Variants in SMARCC1 observed in about 807,000 individuals in gnomAD.
SMARCC1 encodes SWI/SNF related BAF chromatin remodeling complex subunit C1.
A neutral mutation model predicts 147.4 loss-of-function variants in SMARCC1; 43 were observed. The ratio of observed to expected loss-of-function variants is 0.29; its 90% CI spans 0.23 to 0.38. The LOEUF (loss-of-function observed/expected upper bound fraction) is 0.38, where lower values mean the gene tolerates loss of function less well. SMARCC1 is among the 10% of genes least tolerant of loss of function. SMARCC1 has a pLI of 1.00. For synonymous variants in SMARCC1, 495 were observed against 484.4 expected (o/e 1.02, Z -0.29); for missense variants, 1,119 against 1,381.1 (o/e 0.81, Z 3.01).
intron 2 of SMARCC1, among the ~76,000 whole-genome samples, chr3:47,748,229 T>C (rs974525033): frequency 1.3e-5 from 2 of 152,158 alleles, no homozygotes; most frequent in Non-Finnish European, 2.9e-5. Context: ...TTTTTATCTT[T>C]TTGAAACAGG....
Position 47,670,641 on chromosome 3 carries a change from T to G in SMARCC1, c.1899+17A>C, listed in dbSNP as rs376337018. 7.0e-7 allele frequency: 1 copy of G among 1,420,720 alleles called. No individual in the cohort carries two copies. The highest frequency in any genetic ancestry group is 1.7e-5 in the Admixed American group (1 of 59,748). 88.0% of individuals were successfully genotyped at this position (1,420,720 alleles called of 1,614,324 possible). A position where few individuals can be genotyped will look rare whatever the true frequency, so the allele number is the denominator to read the frequency against. On this transcript the variant is annotated intron_variant, in intron 19 of 27. Transcript: ENST00000254480. Reference sequence around the variant, plus strand: ...AAAGAATCTTAGCACACATCCCATATGCATTAATCTGCTTACCTCCAGGAG... The same window carrying G: ...AAAGAATCTTAGCACACATCCCATAGGCATTAATCTGCTTACCTCCAGGAG...
intron 7 of SMARCC1, among the ~76,000 whole-genome samples, chr3:47,714,798 C>G (rs146725497): frequency 6.6e-6 from 1 of 152,026 alleles, no homozygotes; most frequent in East Asian, 1.9e-4. Context: ...TATCTCGAAA[C>G]AAAACAAAAC....
intron 5 of SMARCC1, among the ~76,000 whole-genome samples, chr3:47,730,957 GC>G (rs2034366627): frequency 1.3e-5 from 2 of 152,058 alleles, no homozygotes; most frequent in South Asian, 4.2e-4. Context: ...GATGCTGGCA[GC>G]TGACTGATCA....
At chr3:47,776,182 T>C (rs973496366) in intron 1 of SMARCC1, among the ~76,000 whole-genome samples, 8 of 152,034 alleles carry the variant, frequency 5.3e-5, no homozygotes, top group African/African-American at 1.7e-4. Flanking sequence ...AAGTGTATCT[T>C]ACAAAACTGA....
chr3:47,692,701 G>C (rs562612372), intron 12 of SMARCC1, among the ~76,000 whole-genome samples: 1 of 152,082 alleles, frequency 6.6e-6, no homozygotes, highest in African/African-American at 2.4e-5. Context: ...CTAATATCCT[G>C]TAGTGGCTAA....
Position 47,610,059 on chromosome 3 carries a change from C to T in SMARCC1, c.3043+7G>A, listed in dbSNP as rs200444445. On this transcript the variant is annotated splice_region_variant and intron_variant, in intron 26 of 27. Coordinates refer to ENST00000254480, the MANE Select transcript of SMARCC1 (RefSeq NM_003074.4). Reference sequence around the variant, plus strand: ...AGCTTTTTCCAAGAGCAGGGCCTTCCTCTTACCTGGCTGGGGTGGATGAGG... The same window carrying T: ...AGCTTTTTCCAAGAGCAGGGCCTTCTTCTTACCTGGCTGGGGTGGATGAGG... The T allele has an allele frequency of 9.9e-6, 16 of 1,611,884 alleles. No homozygotes were observed. In the African/African-American group the frequency reaches 1.6e-4, roughly 16 times the overall value.
intron 5 of SMARCC1, among the ~76,000 whole-genome samples, chr3:47,731,541 A>G (rs1282638597): frequency 6.6e-6 from 1 of 152,234 alleles, no homozygotes; most frequent in Non-Finnish European, 1.5e-5. Context: ...CATAAGAACC[A>G]CTAACTATAG....
In SMARCC1 at chr3:47,781,787, G is replaced by C; in HGVS notation, c.11C>G (p.Ala4Gly). MAA[A>G]AGGGGPGTAV... ...TGTCCCCGGCCCGCCGCCGCCCGCC[G>C]CTGCGGCCATCGTCGCAGCCCGTCG... Residue 4 changes from alanine to glycine, a missense_variant, in exon 1 of 28, where the codon GCG (alanine) becomes GGG (glycine). By Grantham distance (60) the Ala-to-Gly change is moderately conservative (BLOSUM62 0). Transcript: ENST00000254480. The C allele has an allele frequency of 6.9e-7, 1 of 1,459,678 alleles. No homozygotes were observed. The highest frequency in any genetic ancestry group is 9.0e-7 in the Non-Finnish European group (1 of 1,107,424). The allele number at this position is 1,459,678 out of a possible 1,614,324, so 90.4% of individuals were successfully genotyped here. A position where few individuals can be genotyped will look rare whatever the true frequency, so the allele number is the denominator to read the frequency against.
chr3:47,664,995 G>T (rs1055626728), intron 19 of SMARCC1, among the ~76,000 whole-genome samples: 8 of 138,122 alleles, frequency 5.8e-5, no homozygotes, highest in African/African-American at 1.7e-4. Context: ...TTACTTCAAA[G>T]ATTTTTTTTT....
intron 21 of SMARCC1, among the ~76,000 whole-genome samples, chr3:47,653,155 C>T (rs997438196): frequency 2.6e-5 from 4 of 152,094 alleles, no homozygotes; most frequent in African/African-American, 9.7e-5. Flanking sequence ...GACAGGGTTT[C>T]ACCTTGTTAG....
chr3:47,680,799 G>A (rs995632546), intron 14 of SMARCC1, among the ~76,000 whole-genome samples: 10 of 151,768 alleles, frequency 6.6e-5, no homozygotes, highest in Non-Finnish European at 1.2e-4. Flanking sequence ...CGCCCGCCTC[G>A]GCCTCCCAAA....
At chr3:47,710,913 G>T in intron 8 of SMARCC1, 105 bp from the exon 9 acceptor site, 1 of 773,400 alleles carries the variant, frequency 1.3e-6, no homozygotes, top group African/African-American at 1.8e-5. Flanking sequence ...AGCCTCAAAT[G>T]CATAAAACAT....
At chr3:47,677,405 T>G (rs557633362) in intron 16 of SMARCC1, among the ~76,000 whole-genome samples, 7 of 150,422 alleles carry the variant, frequency 4.7e-5, no homozygotes, top group Non-Finnish European at 7.4e-5. Context: ...CTGGCCGTTT[T>G]TTTTTTTTTT....
intron 24 of SMARCC1, among the ~76,000 whole-genome samples, chr3:47,626,442 G>A (rs1302123836): frequency 7.2e-6 from 1 of 139,344 alleles, no homozygotes; most frequent in Non-Finnish European, 1.5e-5. Flanking sequence ...CACCGTGCCT[G>A]GTGAGACCCT....
At chr3:47,670,783 TC>T in intron 18 of SMARCC1, 66 bp from the exon 19 acceptor site, 1 of 965,882 alleles carries the variant, frequency 1.0e-6, no homozygotes, top group Non-Finnish European at 1.7e-6. Flanking sequence ...TCAGTAGAAT[TC>T]CTTTCCAAGC....
At chr3:47,592,372 G>A (rs1362746432) in intron 26 of SMARCC1, among the ~76,000 whole-genome samples, 1 of 152,134 alleles carries the variant, frequency 6.6e-6, no homozygotes, top group African/African-American at 2.4e-5. Context: ...CTTTATTTAT[G>A]AACCCTAAAA....
chr3:47,703,226 G>A (rs1435619182), intron 10 of SMARCC1, among the ~76,000 whole-genome samples: 1 of 152,024 alleles, frequency 6.6e-6, no homozygotes, highest in South Asian at 2.1e-4. Flanking sequence ...GGGCCATCAC[G>A]CCCGGCCTCC....
chr3:47,698,813 A>C (rs189017721), intron 11 of SMARCC1, among the ~76,000 whole-genome samples: 68 of 152,176 alleles, frequency 4.5e-4, no homozygotes, highest in Admixed American at 2.8e-3. Flanking sequence ...AAAAAAAAAA[A>C]CTATAATAAC....
intron 11 of SMARCC1, among the ~76,000 whole-genome samples, chr3:47,695,762 CA>C (rs755840430): frequency 0.02 from 1,195 of 59,910 alleles, 20 homozygotes; most frequent in African/African-American, 0.074. Context: ...GATTCTGTCT[CA>C]AAAAAAAAAA....
Sources: allele counts gnomAD v4.1 joint callset (sites outside exome capture counted in the v4.1 genomes callset), GRCh38; gene constraint gnomAD v4.1.1; transcripts MANE v1.5; gene names NCBI Gene and HGNC (gene_info 2026-07-23, HGNC 2026-07-21).